The following CHCHD6 variants were observed in gnomAD, a reference collection of about 807,000 sequenced individuals.
CHCHD6 encodes the protein MICOS complex subunit MIC25.
CHCHD6 carries 28 observed loss-of-function variants against 32.3 expected under a neutral mutation model. The observed-to-expected ratio is 0.87, with a 90% CI of 0.64 to 1.19. The LOEUF (loss-of-function observed/expected upper bound fraction) is 1.19. Ranked by LOEUF, CHCHD6 falls within the 50% of genes most tolerant of loss-of-function variation. CHCHD6 has a pLI of 0.00. For missense variants in CHCHD6, 333 were observed against 307.0 expected (o/e 1.08, Z -0.63); for synonymous variants, 122 against 117.5 (o/e 1.04, Z -0.25).
intron 6 of CHCHD6, among the ~76,000 whole-genome samples, chr3:126,930,062 A>G (rs2078381201): frequency 6.6e-6 from 1 of 152,198 alleles, no homozygotes; most frequent in South Asian, 2.1e-4. Context: ...CTGGATCATG[A>G]AGGATCCTCT....
At chr3:126,820,752 TG>T (rs2107536137) in intron 4 of CHCHD6, among the ~76,000 whole-genome samples, 1 of 152,354 alleles carries the variant, frequency 6.6e-6, no homozygotes, top group East Asian at 1.9e-4. Flanking sequence ...AACATTTTTC[TG>T]AAGTGGTTAT....
chr3:126,728,252 T>C (rs1331945816), intron 2 of CHCHD6, among the ~76,000 whole-genome samples: 1 of 152,166 alleles, frequency 6.6e-6, no homozygotes, highest in East Asian at 1.9e-4. Flanking sequence ...CACACCTGGC[T>C]CTGGTTATGG....
intron 4 of CHCHD6, among the ~76,000 whole-genome samples, chr3:126,790,887 A>G (rs537953161): frequency 6.6e-6 from 1 of 152,292 alleles, no homozygotes; most frequent in African/African-American, 2.4e-5. Flanking sequence ...CCTTTGGAGG[A>G]GGAGAGGTGC....
intron 6 of CHCHD6, among the ~76,000 whole-genome samples, chr3:126,944,419 C>G (rs1483172709): frequency 6.6e-6 from 1 of 152,262 alleles, no homozygotes; most frequent in Non-Finnish European, 1.5e-5. Flanking sequence ...ATATCTGCTT[C>G]CTGCATAGTA....
chr3:126,766,925 TG>T, intron 4 of CHCHD6: 1 of 1,043,520 alleles, frequency 9.6e-7, no homozygotes. Context: ...CCATAGCCAC[TG>T]AAGCCCCAGG....
intron 4 of CHCHD6, among the ~76,000 whole-genome samples, chr3:126,759,771 A>G (rs1164514435): frequency 6.6e-6 from 1 of 152,182 alleles, no homozygotes; most frequent in Non-Finnish European, 1.5e-5. Context: ...TTTATACCAC[A>G]TTTTGCTATG....
At chr3:126,764,963 T>C (rs781163340) in intron 4 of CHCHD6, among the ~76,000 whole-genome samples, 3 of 152,086 alleles carry the variant, frequency 2.0e-5, no homozygotes, top group Admixed American at 6.5e-5. Flanking sequence ...CTTCCTCCCA[T>C]AGGGCCTTGG....
At chr3:126,896,424 G>C (rs2077840258) in intron 5 of CHCHD6, among the ~76,000 whole-genome samples, 1 of 152,120 alleles carries the variant, frequency 6.6e-6, no homozygotes, top group African/African-American at 2.4e-5. Context: ...GTCAGCTCCT[G>C]GCCAGGTCTC....
intron 5 of CHCHD6, among the ~76,000 whole-genome samples, chr3:126,861,301 T>C (rs1272178271): frequency 1.3e-5 from 2 of 152,086 alleles, no homozygotes; most frequent in Middle Eastern, 3.4e-3. Flanking sequence ...TTAGGTACTT[T>C]TAAGTCGTGG....
chr3:126,929,621 A>G (rs2078374247), intron 6 of CHCHD6, among the ~76,000 whole-genome samples: 1 of 151,864 alleles, frequency 6.6e-6, no homozygotes, highest in Admixed American at 6.6e-5. Context: ...GCTGGAGTGC[A>G]GTGGCACAAT....
chr3:126,874,973 T>C (rs1459819006), intron 5 of CHCHD6, among the ~76,000 whole-genome samples: 1 of 152,206 alleles, frequency 6.6e-6, no homozygotes, highest in Non-Finnish European at 1.5e-5. Context: ...CAGGTATCTC[T>C]GTGTACTTCT....
At chr3:126,877,575 CA>C (rs1285696424) in intron 5 of CHCHD6, among the ~76,000 whole-genome samples, 1 of 151,054 alleles carries the variant, frequency 6.6e-6, no homozygotes, top group Non-Finnish European at 1.5e-5. Context: ...AAAATTAGGT[CA>C]ACAAAGATGA....
chr3:126,862,700 T>A (rs867719679), intron 5 of CHCHD6, among the ~76,000 whole-genome samples: 20 of 29,186 alleles, frequency 6.9e-4, no homozygotes, highest in Non-Finnish European at 1.1e-3. Flanking sequence ...TCCTCCACCA[T>A]CACCACCTCC....
At chr3:126,782,000 G>A (rs1937966600) in intron 4 of CHCHD6, among the ~76,000 whole-genome samples, 1 of 152,162 alleles carries the variant, frequency 6.6e-6, no homozygotes. Context: ...ATCTGCGGCT[G>A]AGCCCAGTCA....
At chr3:126,789,992 C>T (rs561919302) in intron 4 of CHCHD6, among the ~76,000 whole-genome samples, 4,469 of 152,170 alleles carry the variant, frequency 0.029, 96 homozygotes, top group Non-Finnish European at 0.039. Flanking sequence ...TTAGTGCTTG[C>T]TTCAGGAGCT....
chr3:126,805,743 A>T (rs2107693209), intron 4 of CHCHD6, among the ~76,000 whole-genome samples: 1 of 152,342 alleles, frequency 6.6e-6, no homozygotes. Context: ...CGCATCGCCA[A>T]GTCGATCCTA....
At chr3:126,908,000 A>T (rs571502900) in intron 5 of CHCHD6, among the ~76,000 whole-genome samples, 2 of 152,270 alleles carry the variant, frequency 1.3e-5, no homozygotes, top group South Asian at 2.1e-4. Flanking sequence ...TGCCTTGCTG[A>T]ACCTCAGTTT....
chr3:126,790,386 G>A (rs978915459), intron 4 of CHCHD6, among the ~76,000 whole-genome samples: 1 of 152,192 alleles, frequency 6.6e-6, no homozygotes, highest in Admixed American at 6.5e-5. Flanking sequence ...CTAGGTTGGG[G>A]AAGTTCTCCT....
At chr3:126,867,309 G>A (rs865914070) in intron 5 of CHCHD6, among the ~76,000 whole-genome samples, 2 of 152,192 alleles carry the variant, frequency 1.3e-5, no homozygotes, top group African/African-American at 4.8e-5. Context: ...AGCTGAATCA[G>A]TACCTCATCT....
Sources: allele counts gnomAD v4.1 joint callset (sites outside exome capture counted in the v4.1 genomes callset), GRCh38; gene constraint gnomAD v4.1.1; transcripts MANE v1.5; gene names NCBI Gene and HGNC (gene_info 2026-07-23, HGNC 2026-07-21).